GOLGB1: variants seen among roughly 807,000 people sequenced by gnomAD.
GOLGB1 encodes golgin B1, also known as golgin subfamily B member 1.
Under a neutral mutation model 336.9 loss-of-function variants are expected in GOLGB1, and 174 were observed. The ratio of observed to expected loss-of-function variants is 0.52; its 90% CI spans 0.46 to 0.59. GOLGB1 has a LOEUF of 0.59. Ranked by LOEUF, GOLGB1 falls within the 20% of genes least tolerant of loss-of-function variation. GOLGB1 has a pLI of 0.00. For missense variants in GOLGB1, 3,331 were observed against 3,645.3 expected (o/e 0.91, Z 2.22); for synonymous variants, 1,208 against 1,289.2 (o/e 0.94, Z 1.35).
chr3:121,673,326 C>T (rs1939839447), intron 17 of GOLGB1, among the ~76,000 whole-genome samples: 1 of 150,874 alleles, frequency 6.6e-6, no homozygotes, highest in African/African-American at 2.5e-5. Flanking sequence ...ATCTTGGCTT[C>T]CCAAAGTGCT....
chr3:121,706,356 A>G (rs1943821807), intron 10 of GOLGB1, among the ~76,000 whole-genome samples: 1 of 152,156 alleles, frequency 6.6e-6, no homozygotes, highest in Admixed American at 6.5e-5. Flanking sequence ...AAGGTACATT[A>G]TAATTCAAGT....
intron 11 of GOLGB1, among the ~76,000 whole-genome samples, chr3:121,701,076 T>C (rs1223701652): frequency 1.3e-5 from 2 of 152,106 alleles, no homozygotes; most frequent in African/African-American, 4.8e-5. Context: ...ACAAGATTAC[T>C]TGAAAAAGGA....
Position 121,694,971 on chromosome 3 carries a change from T to C in GOLGB1, c.5552A>G (p.Lys1851Arg). ...CTCCTCTAATCCAGCAATTCTTTCTTTGAGCTGATCAATCTGCTGTAGGTA... is the reference window on the plus strand; with the variant it reads ...CTCCTCTAATCCAGCAATTCTTTCTCTGAGCTGATCAATCTGCTGTAGGTA... ...NNYLQQIDQL[K>R]ERIAGLEEEK... Residue 1851 changes from lysine to arginine, a missense_variant, in exon 13 of 22, where the codon AAA becomes AGA. Transcript: ENST00000614479. 6.2e-7 allele frequency: 1 copy of C among 1,614,182 alleles called. No homozygotes were observed. Among genetic ancestry groups the C allele is most frequent in the South Asian group, 1.1e-5 (1 of 91,090 alleles).
chr3:121,718,487 C>A lies in GOLGB1; in HGVS notation c.786G>T (p.Leu262=), dbSNP rs1944940849. The A allele has an allele frequency of 6.2e-7, 1 of 1,611,286 alleles. No homozygotes were observed. The highest frequency in any genetic ancestry group is 1.3e-5 in the African/African-American group (1 of 74,848). ...CTTCGTGTTCCTCAAGCTTCCTTTGCAGCACCCTCAATTTCTGAGAAGAAA... is the reference window on the plus strand; with the variant it reads ...CTTCGTGTTCCTCAAGCTTCCTTTGAAGCACCCTCAATTTCTGAGAAGAAA... The part of the protein sequence containing the change: ...ETEMQQKLRV[L]QRKLEEHEES... Residue 262 remains leucine (L), a synonymous_variant, in exon 8 of 22, where the codon CTG becomes CTT. Transcript: ENST00000614479.
chr3:121,677,464 G>A lies in GOLGB1; in HGVS notation c.8874-14C>T, dbSNP rs759998657. ...CTCTTCTCCATCCTAGAAAAAACAT[G>A]ACACAATCACAGGTAAAAATATACT... On this transcript the variant is annotated splice_polypyrimidine_tract_variant and intron_variant, in intron 15 of 21. Transcript: ENST00000614479. 8 of 1,590,272 alleles carry A rather than the reference G, an allele frequency of 5.0e-6. No individual in the cohort carries two copies. The East Asian group carries it at 1.8e-4, about 36-fold the overall frequency.
At chr3:121,707,650 G>T (rs1419573913) in intron 10 of GOLGB1, among the ~76,000 whole-genome samples, 1 of 134,424 alleles carries the variant, frequency 7.4e-6, no homozygotes, top group Non-Finnish European at 1.6e-5. Context: ...AAAAAAAAAA[G>T]AAAAAAAAAA....
intron 18 of GOLGB1, chr3:121,668,394 G>A (rs185765330): frequency 3.3e-6 from 1 of 306,196 alleles, no homozygotes; most frequent in Admixed American, 5.3e-5. Flanking sequence ...TTAAGTCTGG[G>A]CCGGGCGCCG....
At position 121,691,397 on chromosome 3, in the gene GOLGB1, G is replaced by C. The variant is rs1316308469; in HGVS notation, c.7967C>G (p.Ser2656Cys). 1 of 1,613,662 alleles carries C rather than the reference G, an allele frequency of 6.2e-7. No homozygotes were observed. The highest frequency in any genetic ancestry group is 1.1e-5 in the South Asian group (1 of 91,014). Residue 2656 changes from serine (S) to cysteine (C), a missense_variant, in exon 14 of 22, where the codon TCT becomes TGT. Ser to Cys is a moderately radical substitution (Grantham distance 112). Transcript: ENST00000614479. ...VHRLSALFSS[S>C]QKRIAELEEE... The stretch of plus-strand genomic sequence containing the variant: ...TTCCAGTTCTGCAATTCTCTTTTGA[G>C]AGGAGGAAAACAAAGCACTTAACCT...
In GOLGB1 at chr3:121,695,552, G is replaced by A. The variant is rs1942863836; in HGVS notation, c.4971C>T (p.Ser1657=). 6.2e-6 allele frequency: 10 copies of A among 1,613,808 alleles called. No individual in the cohort carries two copies. The highest frequency in any genetic ancestry group is 1.3e-5 in the African/African-American group (1 of 74,856). Residue 1657 remains serine (S), a synonymous_variant, in exon 13 of 22, where the codon AGC becomes AGT. Coordinates refer to ENST00000614479, the MANE Select transcript of GOLGB1 (RefSeq NM_001366282.2). ...EKQELYGKLR[S]TEANKKETEK... The stretch of plus-strand genomic sequence containing the variant: ...CTGTCTCCTTCTTGTTTGCCTCTGT[G>A]CTTCTTAACTTGCCATACAGTTCTT...
intron 6 of GOLGB1, among the ~76,000 whole-genome samples, chr3:121,721,186 T>C (rs1268386551): frequency 2.6e-5 from 4 of 152,122 alleles, no homozygotes. Flanking sequence ...CAATTTTAAC[T>C]GTATACATAG....
In GOLGB1 at chr3:121,702,505, G is replaced by T; in HGVS notation, c.1495C>A (p.Leu499Met). 6.7e-7 allele frequency: 1 copy of T among 1,501,170 alleles called. No individual in the cohort carries two copies. Among genetic ancestry groups the T allele is most frequent in the Non-Finnish European group, 8.9e-7 (1 of 1,121,782 alleles). 93.0% of individuals were successfully genotyped at this position (1,501,170 alleles called of 1,614,324 possible). ...KGALLLSSIELEELKAENEKL... is the reference protein window; with the variant it reads ...KGALLLSSIEMEELKAENEKL... ...CCATTCTCAGCTTTCAGCTCCTCCAGCTCTATAGAACTAAGGAGCAAGGCT... is the reference window on the plus strand; with the variant it reads ...CCATTCTCAGCTTTCAGCTCCTCCATCTCTATAGAACTAAGGAGCAAGGCT... The change falls in exon 11 of 22, where the codon CTG (leucine) becomes ATG (methionine). Residue 499 changes from leucine (L) to methionine (M), a missense_variant. Physicochemically the swap from Leu to Met is conservative, Grantham distance 15 (BLOSUM62 2). Coordinates refer to ENST00000614479, the MANE Select transcript of GOLGB1 (RefSeq NM_001366282.2).
At chr3:121,727,281 T>TACACAC (rs143434684) in intron 4 of GOLGB1, among the ~76,000 whole-genome samples, 1 of 98,146 alleles carries the variant, frequency 1.0e-5, no homozygotes, top group African/African-American at 3.9e-5. Flanking sequence ...GTGAAATACA[T>TACACAC]ACACACACAC....
chr3:121,706,044 A>T (rs1012528818), intron 10 of GOLGB1, among the ~76,000 whole-genome samples: 5 of 152,098 alleles, frequency 3.3e-5, no homozygotes, highest in Admixed American at 2.0e-4. Context: ...ATAGAAACAA[A>T]GGAGAATCAC....
chr3:121,727,320 ATTTTTTTTT>A (rs869189384), intron 4 of GOLGB1, among the ~76,000 whole-genome samples: 41 of 28,604 alleles, frequency 1.4e-3, no homozygotes, highest in Admixed American at 2.2e-3. Flanking sequence ...ATATATATAT[ATTTTTTTTT>A]TTTTTTTTTT....
upstream of GOLGB1, among the ~76,000 whole-genome samples, chr3:121,749,949 G>T (rs1344084891): frequency 6.6e-6 from 1 of 152,188 alleles, no homozygotes; most frequent in South Asian, 2.1e-4. Context: ...GATTAGACGC[G>T]AGTAGGTGCC....
At chr3:121,701,806 A>G (rs1943436681) in intron 11 of GOLGB1, among the ~76,000 whole-genome samples, 1 of 152,168 alleles carries the variant, frequency 6.6e-6, no homozygotes, top group Non-Finnish European at 1.5e-5. Context: ...TGAAGAGCTT[A>G]TATTTAAACT....
chr3:121,728,152 A>G (rs1945815901), intron 4 of GOLGB1, among the ~76,000 whole-genome samples: 1 of 152,192 alleles, frequency 6.6e-6, no homozygotes, highest in African/African-American at 2.4e-5. Context: ...GAAAAGAAGG[A>G]TCAAGGTGAA....
At chr3:121,731,262 A>C (rs755812721) in intron 1 of GOLGB1, among the ~76,000 whole-genome samples, 2 of 152,256 alleles carry the variant, frequency 1.3e-5, no homozygotes, top group Non-Finnish European at 2.9e-5. Flanking sequence ...TACAATGTTA[A>C]ATACCAATCT....
chr3:121,674,108 G>C (rs369385907), intron 17 of GOLGB1, among the ~76,000 whole-genome samples: 1 of 152,190 alleles, frequency 6.6e-6, no homozygotes, highest in East Asian at 1.9e-4. Flanking sequence ...TTTGTCTCCT[G>C]CAACTTTACT....
Sources: allele counts gnomAD v4.1 joint callset (sites outside exome capture counted in the v4.1 genomes callset), GRCh38; gene constraint gnomAD v4.1.1; transcripts MANE v1.5; gene names NCBI Gene and HGNC (gene_info 2026-07-23, HGNC 2026-07-21).